The following HARBI1 variants were observed in gnomAD, a reference collection of about 807,000 sequenced individuals.
HARBI1 encodes the protein putative nuclease HARBI1.
A neutral mutation model predicts 25.3 loss-of-function variants in HARBI1; 15 were observed. That is an observed-to-expected ratio of 0.59 (90% CI 0.40 to 0.91). The LOEUF is 0.91. Ranked by LOEUF, HARBI1 falls within the 40% of genes least tolerant of loss-of-function variation. HARBI1 has a pLI of 0.00. For synonymous variants in HARBI1, 168 were observed against 160.5 expected (o/e 1.05, Z -0.35); for missense variants, 396 against 445.8 (o/e 0.89, Z 1.01).
Position 46,615,666 on chromosome 11 carries a change from G to T in HARBI1, c.572C>A (p.Thr191Lys). The T allele has an allele frequency of 6.2e-7, 1 of 1,614,212 alleles. No individual in the cohort carries two copies. The highest frequency in any genetic ancestry group is 8.5e-7 in the Non-Finnish European group (1 of 1,180,042). Reference sequence around the variant, plus strand: ...GTCCTGTAGGCTGCCGGGCCAGTTTGTCTCCACGGTCATTAGTGTCCCTCT... The same window carrying T: ...GTCCTGTAGGCTGCCGGGCCAGTTTTTCTCCACGGTCATTAGTGTCCCTCT... ...DIRGTLMTVE[T>K]NWPGSLQDCA... The change falls in exon 2 of 3, where the codon ACA becomes AAA. Residue 191 changes from threonine to lysine, a missense_variant. Transcript: ENST00000326737.
rs763197607 is a variant in HARBI1, at chr11:46,615,823, C to G, written c.415G>C (p.Ala139Pro). The change falls in exon 2 of 3, where the codon GCA becomes CCA. Residue 139 changes from alanine (A) to proline (P), a missense_variant. By Grantham distance (27) the Ala-to-Pro change is conservative. Coordinates refer to ENST00000326737, the MANE Select transcript of HARBI1 (RefSeq NM_173811.4). The part of the protein sequence containing the change: ...QALKDEFYGL[A>P]GMPGVMGVVD... The stretch of plus-strand genomic sequence containing the variant: ...ACCCCCATCACCCCTGGCATCCCTG[C>G]CAACCCATAGAATTCATCCTTCAGA... The G allele has an allele frequency of 6.2e-7, 1 of 1,614,230 alleles. No individual in the cohort carries two copies. The highest frequency in any genetic ancestry group is 1.1e-5 in the South Asian group (1 of 91,090).
chr11:46,603,559 G>A lies in HARBI1; in HGVS notation c.1021C>T (p.Gln341Ter). ...CTAAAATGAGTGAGCATTAGCTCCT[G>A]ACGAATACGGTCAGCCTCTAAGTCC... Reference protein sequence around the residue: ...SLDLEADRIRQELMLTHFS With the variant: ...SLDLEADRIR Residue 341 changes from glutamine (Q) to a stop codon, truncating the protein, a stop_gained, in exon 3 of 3, where the codon CAG becomes TAG. Transcript: ENST00000326737. LOFTEE classifies it high-confidence loss of function. 6.2e-7 allele frequency: 1 copy of A among 1,607,550 alleles called. No individual in the cohort carries two copies. The highest frequency in any genetic ancestry group is 8.5e-7 in the Non-Finnish European group (1 of 1,175,914).
At chr11:46,605,298 C>T (rs1254098990) in intron 2 of HARBI1, among the ~76,000 whole-genome samples, 1 of 152,124 alleles carries the variant, frequency 6.6e-6, no homozygotes. Flanking sequence ...GCTGCAGCCT[C>T]AACCTTCCAG....
At chr11:46,609,761 T>A (rs1481078974) in intron 2 of HARBI1, among the ~76,000 whole-genome samples, 1 of 149,228 alleles carries the variant, frequency 6.7e-6, no homozygotes, top group Non-Finnish European at 1.5e-5. Flanking sequence ...GAGGCTGAGG[T>A]GGACTGGCTG....
At position 46,604,337 on chromosome 11, in the gene HARBI1, G is replaced by A. The variant is rs1014552936; in HGVS notation, c.671-428C>T. On this transcript the variant is annotated intron_variant, in intron 2 of 2. Coordinates refer to ENST00000326737, the MANE Select transcript of HARBI1 (RefSeq NM_173811.4). ...GACCAGCCTGACCAACGTGGGAGGC[G>A]GAGATTGCAGTGAGCCAAGATCACG... 6 of 799,292 alleles carry A rather than the reference G, an allele frequency of 7.5e-6. No homozygotes were observed. In the African/African-American group the frequency reaches 1.1e-4, roughly 15 times the overall value. The allele number at this position is 799,292 out of a possible 1,614,324, so 49.5% of individuals were successfully genotyped here. A position where few individuals can be genotyped will look rare whatever the true frequency, so the allele number is the denominator to read the frequency against.
rs1316796256 is a variant in HARBI1, at chr11:46,616,059, G to A, written c.179C>T (p.Pro60Leu). 15 of 1,614,168 alleles carry A rather than the reference G, an allele frequency of 9.3e-6. No individual in the cohort carries two copies. The highest frequency in any genetic ancestry group is 2.2e-5 in the East Asian group (1 of 44,894). Residue 60 changes from proline (P) to leucine (L), a missense_variant, in exon 2 of 3, where the codon CCT (proline) becomes CTT (leucine). Pro to Leu is a moderately conservative substitution (Grantham distance 98, BLOSUM62 -3). Coordinates refer to ENST00000326737, the MANE Select transcript of HARBI1 (RefSeq NM_173811.4). ...VELLGANLSRPTQRSRAISPE... is the reference protein window; with the variant it reads ...VELLGANLSRLTQRSRAISPE... ...GCTAATAGCCCTGGATCGCTGAGTA[G>A]GCCTAGAAAGATTCGCCCCCAAGAG...
intron 2 of HARBI1, among the ~76,000 whole-genome samples, chr11:46,607,259 CA>C (rs149824275): frequency 0.038 from 2,731 of 71,710 alleles, 46 homozygotes; most frequent in African/African-American, 0.11. Flanking sequence ...GAGACTGTCT[CA>C]AAAAAAAAAA....
chr11:46,608,927 CTTT>C (rs764380300), intron 2 of HARBI1, among the ~76,000 whole-genome samples: 1 of 133,906 alleles, frequency 7.5e-6, no homozygotes, highest in Admixed American at 7.7e-5. Flanking sequence ...TTTTTTTTTT[CTTT>C]TTTTTTTTTT....
rs753077232 is a variant in HARBI1, at chr11:46,616,189, G to A, written c.49C>T (p.Arg17Cys). 2 of 1,612,954 alleles carry A rather than the reference G, an allele frequency of 1.2e-6. No individual in the cohort carries two copies. The highest frequency in any genetic ancestry group is 1.7e-6 in the Non-Finnish European group (2 of 1,180,032). ...VLDCDLLLYG[R>C]GHRTLDRFKL... Reference sequence around the variant, plus strand: ...AAACGGTCCAATGTCCGGTGACCACGGCCATATAGCAAGAGGTCACAGTCA... The same window carrying A: ...AAACGGTCCAATGTCCGGTGACCACAGCCATATAGCAAGAGGTCACAGTCA... Residue 17 changes from arginine to cysteine, a missense_variant, in exon 2 of 3, where the codon CGT becomes TGT. Transcript: ENST00000326737.
intron 1 of HARBI1, chr11:46,616,719 C>T: frequency 2.0e-6 from 2 of 988,946 alleles, no homozygotes; most frequent in Non-Finnish European, 2.4e-6. Context: ...GTCATAACCA[C>T]CTTGGGTAAG....
intron 2 of HARBI1, among the ~76,000 whole-genome samples, chr11:46,606,473 T>G (rs969368075): frequency 8.7e-5 from 13 of 149,214 alleles, no homozygotes; most frequent in South Asian, 6.4e-4. Context: ...CCACCATGAC[T>G]GGCTAATTTT....
At chr11:46,612,157 T>C (rs1423444404) in intron 2 of HARBI1, among the ~76,000 whole-genome samples, 1 of 152,138 alleles carries the variant, frequency 6.6e-6, no homozygotes, top group East Asian at 1.9e-4. Flanking sequence ...AGTGCAGATA[T>C]GATTAGTGGT....
chr11:46,604,634 A>T (rs1219546955), intron 2 of HARBI1: 1 of 985,028 alleles, frequency 1.0e-6, no homozygotes, highest in East Asian at 1.1e-4. Flanking sequence ...AAGGGATTTC[A>T]GGGGATTTCA....
At chr11:46,608,671 A>G (rs1309292648) in intron 2 of HARBI1, among the ~76,000 whole-genome samples, 1 of 151,616 alleles carries the variant, frequency 6.6e-6, no homozygotes, top group Non-Finnish European at 1.5e-5. Context: ...TCTGGAGTAC[A>G]GTCACAGAAT....
In HARBI1 at chr11:46,616,368, T is replaced by C; in HGVS notation, c.-131A>G. 6.9e-7 allele frequency: 1 copy of C among 1,457,938 alleles called. No individual in the cohort carries two copies. The highest frequency in any genetic ancestry group is 2.4e-5 in the East Asian group (1 of 41,838). 90.3% of individuals were successfully genotyped at this position (1,457,938 alleles called of 1,614,324 possible). A position where few individuals can be genotyped will look rare whatever the true frequency, so the allele number is the denominator to read the frequency against. On this transcript the variant is annotated 5_prime_UTR_variant, in exon 2 of 3. Transcript: ENST00000326737. ...AACCACAGTTAAATGGCTCTGCCAT[T>C]TATAATCTTCTCTCTGTAAATGTTA... is the stretch of plus-strand genomic sequence containing the variant.
chr11:46,613,507 G>A (rs1202461873), intron 2 of HARBI1, among the ~76,000 whole-genome samples: 2 of 127,056 alleles, frequency 1.6e-5, no homozygotes, highest in Non-Finnish European at 3.2e-5. Flanking sequence ...TTTTGAGACA[G>A]AGTCTCCCTC....
intron 2 of HARBI1, among the ~76,000 whole-genome samples, chr11:46,607,931 G>A (rs1159964228): frequency 1.4e-5 from 2 of 146,448 alleles, no homozygotes; most frequent in Non-Finnish European, 3.0e-5. Context: ...AAAAAAAAAG[G>A]CCAGAGGCTC....
rs1240978610 is a variant in HARBI1 at position 46,615,646 on chromosome 11, G to A, written c.592C>T (p.Gln198Ter). The A allele has an allele frequency of 6.2e-7, 1 of 1,614,220 alleles. No homozygotes were observed. Among genetic ancestry groups the A allele is most frequent in the East Asian group, 2.2e-5 (1 of 44,890 alleles). Residue 198 changes from glutamine to a stop codon, truncating the protein, a stop_gained, in exon 2 of 3, where the codon CAG becomes TAG. Coordinates refer to ENST00000326737, the MANE Select transcript of HARBI1 (RefSeq NM_173811.4). LOFTEE classifies it high-confidence loss of function. ...GACTGCTGCAGCACAGCACAGTCCT[G>A]TAGGCTGCCGGGCCAGTTTGTCTCC... ...TVETNWPGSLQDCAVLQQSSL... is the reference protein window; with the variant it reads ...TVETNWPGSL
chr11:46,612,779 G>A lies in HARBI1; in HGVS notation c.670+2789C>T, dbSNP rs1239235524. On this transcript the variant is annotated intron_variant, in intron 2 of 2. Coordinates refer to ENST00000326737, the MANE Select transcript of HARBI1 (RefSeq NM_173811.4). ...TCTGCCTCCCGGGTTCAAGCAATTC[G>A]CCTGCCTCAGCCTCCCAAGTAGCTG... 3.0e-5 allele frequency among the ~76,000 whole-genome samples: 4 copies of A among 133,410 alleles called. 1 individual carries two copies. Among genetic ancestry groups the A allele is most frequent in the African/African-American group, 1.1e-4 (4 of 35,264 alleles). The allele number at this position is 133,410 out of a possible 152,430, so 87.5% of individuals were successfully genotyped here.
Sources: gnomAD v4.1 joint callset for allele counts (sites outside exome capture counted in the v4.1 genomes callset) on GRCh38, gnomAD v4.1.1 for gene constraint, MANE v1.5 for transcripts, NCBI Gene and HGNC (gene_info 2026-07-23, HGNC 2026-07-21) for gene names.